The following USP9X variants were observed in gnomAD, a reference collection of about 807,000 sequenced individuals.
The protein encoded by USP9X is ubiquitin specific peptidase 9 X-linked.
In USP9X, 7 loss-of-function variants were observed where a neutral mutation model predicts 190.3. That is an observed-to-expected ratio of 0.04 (90% CI 0.02 to 0.07). The LOEUF (loss-of-function observed/expected upper bound fraction) is 0.07. USP9X is among the 10% of genes least tolerant of loss of function. USP9X has a pLI of 1.00. For synonymous variants in USP9X, 645 were observed against 659.5 expected (o/e 0.98, Z 0.34); for missense variants, 1,010 against 1,916.9 (o/e 0.53, Z 8.83).
At chrX:41,173,597 C>G (rs2062747351) in intron 21 of USP9X, among the ~76,000 whole-genome samples, 1 of 111,422 alleles carries the variant, frequency 9.0e-6, no homozygotes, top group Admixed American at 9.6e-5. Context: ...CCATCTATAC[C>G]AGGAAATTAA....
intron 28 of USP9X, 33 bp from the exon 29 acceptor site, chrX:41,197,331 T>TGCC: frequency 8.2e-6 from 4 of 486,760 alleles, no homozygotes; most frequent in Non-Finnish European, 1.2e-5. Flanking sequence ...TTTGATTTCT[T>TGCC]CCCCCCCCCA....
intron 1 of USP9X, among the ~76,000 whole-genome samples, chrX:41,122,193 A>G (rs752221933): frequency 8.1e-5 from 9 of 110,721 alleles, no homozygotes; most frequent in Non-Finnish European, 1.3e-4. Context: ...TCCAATATCA[A>G]TGTGTTGGTA....
intron 21 of USP9X, among the ~76,000 whole-genome samples, chrX:41,177,140 A>G (rs2062781523): frequency 8.9e-6 from 1 of 112,182 alleles, no homozygotes; most frequent in Non-Finnish European, 1.9e-5. Flanking sequence ...GTTCTCACTT[A>G]CATTAACATA....
intron 2 of USP9X, 26 bp from the exon 3 acceptor site, chrX:41,128,974 T>C (rs1354920750): frequency 8.4e-7 from 1 of 1,195,641 alleles, no homozygotes; most frequent in South Asian, 1.8e-5. Flanking sequence ...GAAACTTAAA[T>C]GTGGAATGTT....
intron 9 of USP9X, 100 bp downstream of exon 9, chrX:41,141,531 G>A: frequency 5.8e-6 from 5 of 858,359 alleles, no homozygotes; most frequent in Non-Finnish European, 7.6e-6. Context: ...ACATTTTAAA[G>A]TAAACTGAAA....
At chrX:41,181,464 T>TTTTTG in intron 21 of USP9X, among the ~76,000 whole-genome samples, 2 of 92,132 alleles carry the variant, frequency 2.2e-5, no homozygotes, top group Non-Finnish European at 4.3e-5. Flanking sequence ...TTTTTTTTTT[T>TTTTTG]GAGATACAGA....
At chrX:41,184,309 T>C in intron 22 of USP9X, 88 bp from the exon 23 acceptor site, 1 of 1,060,768 alleles carries the variant, frequency 9.4e-7, no homozygotes, top group Non-Finnish European at 1.3e-6. Context: ...GTCAAGAGTT[T>C]CTTGGCACTG....
chrX:41,146,983 TC>T (rs923539153), intron 11 of USP9X, among the ~76,000 whole-genome samples: 1 of 111,228 alleles, frequency 9.0e-6, no homozygotes, highest in Non-Finnish European at 1.9e-5. Flanking sequence ...TTTTAAAACT[TC>T]CAGTTGTCTT....
At position 41,150,974 on chromosome X, in the gene USP9X, C is replaced by T. The variant is rs2062519427; in HGVS notation, c.1680C>T (p.Arg560=). ...QWIDRFIEEL[R]TNDKWVIPAL... ...TAGATCGCTTTATAGAAGAACTTCG[C>T]ACAAATGACAAATGGGTTATTCCCG... Residue 560 remains arginine, a synonymous_variant, in exon 13 of 45, where the codon CGC becomes CGT. Transcript: ENST00000378308. 8.3e-7 allele frequency: 1 copy of T among 1,207,477 alleles called. No homozygotes were observed. The highest frequency in any genetic ancestry group is 3.0e-5 in the East Asian group (1 of 33,685).
At chrX:41,128,640 A>G (rs1251306258) in intron 2 of USP9X, among the ~76,000 whole-genome samples, 1 of 112,246 alleles carries the variant, frequency 8.9e-6, no homozygotes, top group South Asian at 3.7e-4. Flanking sequence ...AGTCCCTGAT[A>G]TAAAATGGTT....
intron 20 of USP9X, 118 bp from the exon 21 acceptor site, chrX:41,171,718 CAA>C (rs1215859336): frequency 1.1e-6 from 1 of 881,709 alleles, no homozygotes; most frequent in Non-Finnish European, 1.6e-6. Flanking sequence ...CAGACTATTT[CAA>C]AGAGTAGAAA....
chrX:41,108,570 T>A (rs1474869770), intron 1 of USP9X, among the ~76,000 whole-genome samples: 1 of 111,571 alleles, frequency 9.0e-6, no homozygotes, highest in Non-Finnish European at 1.9e-5. Flanking sequence ...ATTACCATGA[T>A]CTCTCCTGTT....
intron 5 of USP9X, among the ~76,000 whole-genome samples, chrX:41,136,497 C>T (rs994982880): frequency 8.9e-6 from 1 of 112,405 alleles, no homozygotes; most frequent in Non-Finnish European, 1.9e-5. Context: ...TGCTGCCTCT[C>T]GTGTACAAAT....
intron 1 of USP9X, among the ~76,000 whole-genome samples, chrX:41,116,973 T>C (rs1340216226): frequency 1.8e-5 from 2 of 111,763 alleles, no homozygotes; most frequent in Admixed American, 9.6e-5. Flanking sequence ...CTTAGTGTGC[T>C]GAGGGAAAGG....
chrX:41,175,208 T>C (rs1336471327), intron 21 of USP9X, among the ~76,000 whole-genome samples: 2 of 111,764 alleles, frequency 1.8e-5, no homozygotes, highest in Admixed American at 9.5e-5. Context: ...TCAGCACTTG[T>C]GTGCTCTTTG....
At chrX:41,107,196 T>G (rs1223909201) in intron 1 of USP9X, among the ~76,000 whole-genome samples, 1 of 110,811 alleles carries the variant, frequency 9.0e-6, no homozygotes, top group Non-Finnish European at 1.9e-5. Context: ...TTTTTGTATT[T>G]TTAGTAAGGA....
chrX:41,176,979 T>C (rs1211734417), intron 21 of USP9X, among the ~76,000 whole-genome samples: 1 of 112,320 alleles, frequency 8.9e-6, no homozygotes, highest in East Asian at 2.8e-4. Flanking sequence ...AATTTCAAAC[T>C]GTTTACAAAG....
At chrX:41,212,878 T>C (rs754048860) in intron 33 of USP9X, among the ~76,000 whole-genome samples, 17 of 112,100 alleles carry the variant, frequency 1.5e-4, no homozygotes, top group Admixed American at 4.7e-4. Flanking sequence ...AATATACTTA[T>C]TCACTTAGCC....
chrX:41,197,352 C>CCCCCCGGGGGGGGGGGGG lies in USP9X; in HGVS notation c.4234-12_4234-11insCCCCCGGGGGGGGGGGGG. On this transcript the variant is annotated splice_polypyrimidine_tract_variant and intron_variant, in intron 28 of 44. Transcript: ENST00000378308. ...TTCTTCCCCCCCCCACCCCACCCCC[C>CCCCCCGGGGGGGGGGGGG]GCCTTTGGCAGGATGATGTTAAAAG... 3.0e-6 allele frequency: 3 copies of CCCCCCGGGGGGGGGGGGG among 988,208 alleles called. No homozygotes were observed. The highest frequency in any genetic ancestry group is 2.6e-6 in the Non-Finnish European group (2 of 759,375). 81.4% of individuals were successfully genotyped at this position (988,208 alleles called of 1,213,427 possible).
Sources: gnomAD v4.1 joint callset for allele counts (sites outside exome capture counted in the v4.1 genomes callset) on GRCh38, gnomAD v4.1.1 for gene constraint, MANE v1.5 for transcripts, NCBI Gene and HGNC (gene_info 2026-07-23, HGNC 2026-07-21) for gene names.